PAK4: variants seen among roughly 807,000 people sequenced by gnomAD.
PAK4 encodes p21 (RAC1) activated kinase 4, also known as serine/threonine-protein kinase PAK 4.
Under a neutral mutation model 53.5 loss-of-function variants are expected in PAK4, and 49 were observed. The observed-to-expected ratio is 0.92, with a 90% CI of 0.73 to 1.16. PAK4 has a LOEUF of 1.16. Ranked by LOEUF, PAK4 falls within the 50% of genes most tolerant of loss-of-function variation. The pLI is 0.00. For synonymous variants in PAK4, 376 were observed against 375.6 expected (o/e 1.00, Z -0.01); for missense variants, 824 against 850.7 (o/e 0.97, Z 0.39).
chr19:39,126,424 G>A (rs747912645), intron 1 of PAK4, among the ~76,000 whole-genome samples: 28 of 117,802 alleles, frequency 2.4e-4, no homozygotes, highest in Non-Finnish European at 3.6e-4. Flanking sequence ...TAAAACCCAA[G>A]GAGGGCGTAT....
In PAK4 at chr19:39,175,570, G is replaced by A. The variant is rs1168879672; in HGVS notation, c.1359+132G>A. ...TGTGTCTTGAGGAGCTGGGAACTTC[G>A]TCCCTCCCTGGTGGAGCAGCCCAGA... On this transcript the variant is annotated intron_variant, in intron 6 of 8. Transcript: ENST00000358301. This position sits in a 1 kb window ranked among gnomAD's most constrained non-coding sequence, Gnocchi z 4.7. 2.7e-5 allele frequency: 27 copies of A among 995,034 alleles called. No individual in the cohort carries two copies. The highest frequency in any genetic ancestry group is 3.7e-5 in the Non-Finnish European group (25 of 681,640). The allele number at this position is 995,034 out of a possible 1,614,324, so 61.6% of individuals were successfully genotyped here.
intron 1 of PAK4, among the ~76,000 whole-genome samples, chr19:39,134,121 T>G (rs1213302189): frequency 6.6e-6 from 1 of 152,226 alleles, no homozygotes; most frequent in Non-Finnish European, 1.5e-5. Context: ...AATCTTCCAC[T>G]GCAGCCTGGG....
In PAK4 at chr19:39,147,841, G is replaced by GTTTTTTT. The variant is rs35845376; in HGVS notation, c.-22-21673_-22-21667dup. On this transcript the variant is annotated intron_variant, in intron 1 of 8. Coordinates refer to ENST00000358301, the Ensembl canonical transcript of PAK4. ...TTCTTATTGGATTGTTTGTTTTCGG[G>GTTTTTTT]TTTTTTTTTTTTTTTTTTTTTTTTG... is the stretch of plus-strand genomic sequence containing the variant. 9.8e-4 allele frequency among the ~76,000 whole-genome samples: 13 copies of GTTTTTTT among 13,224 alleles called. 1 individual carries two copies. The highest frequency in any genetic ancestry group is 2.4e-3 in the East Asian group (1 of 420). The allele number at this position is 13,224 out of a possible 152,430, so 8.7% of individuals were successfully genotyped here.
chr19:39,172,095 G>T (rs2074491353), intron 2 of PAK4, among the ~76,000 whole-genome samples: 1 of 152,238 alleles, frequency 6.6e-6, no homozygotes. Context: ...TGGGAGGCCA[G>T]CAGAAGCCTC....
chr19:39,133,371 G>A (rs1371226296), intron 1 of PAK4, among the ~76,000 whole-genome samples: 1 of 152,222 alleles, frequency 6.6e-6, no homozygotes, highest in Non-Finnish European at 1.5e-5. Flanking sequence ...AGCAGGCACT[G>A]TTTGAGTGCT....
chr19:39,131,464 C>T (rs1321300715), intron 1 of PAK4, among the ~76,000 whole-genome samples: 1 of 152,204 alleles, frequency 6.6e-6, no homozygotes, highest in Admixed American at 6.5e-5. Context: ...GAGCCCAGCC[C>T]CGCACATGCT....
intron 1 of PAK4, among the ~76,000 whole-genome samples, chr19:39,148,757 C>CT (rs1043067506): frequency 4.5e-4 from 65 of 145,144 alleles, no homozygotes; most frequent in South Asian, 2.6e-3. Context: ...ACCCTGCCTG[C>CT]TTTTTTTTTT....
intron 1 of PAK4, among the ~76,000 whole-genome samples, chr19:39,165,195 G>GATGATGATGATAATAATAATAATAATA (rs1364745681): frequency 3.9e-5 from 5 of 128,434 alleles, no homozygotes; most frequent in African/African-American, 1.5e-4. Flanking sequence ...TGATGATGAT[G>GATGATGATGATAATAATAATAATAATA]ATAATAATAA....
At chr19:39,140,935 C>T (rs890651221) in intron 1 of PAK4, among the ~76,000 whole-genome samples, 6 of 152,184 alleles carry the variant, frequency 3.9e-5, no homozygotes, top group South Asian at 2.1e-4. Context: ...TTATGCCATT[C>T]TGGTTACTAG....
intron 1 of PAK4, among the ~76,000 whole-genome samples, chr19:39,162,926 C>T (rs113840437): frequency 0.034 from 5,119 of 151,912 alleles, 111 homozygotes; most frequent in Non-Finnish European, 0.049. Flanking sequence ...CTTGGAGGAA[C>T]GAGGCTCAGT....
chr19:39,141,970 C>T (rs908746356), intron 1 of PAK4, among the ~76,000 whole-genome samples: 3 of 152,130 alleles, frequency 2.0e-5, no homozygotes, highest in African/African-American at 7.2e-5. Flanking sequence ...ACTTTGCATC[C>T]GGTTGATAGG....
chr19:39,125,807 C>G (rs547738308), exon 1 of PAK4: 1 of 153,632 alleles, frequency 6.5e-6, no homozygotes, highest in Non-Finnish European at 1.4e-5. Context: ...GGGGATTCAA[C>G]ATGGCGGCGG....
At chr19:39,154,178 C>T (rs2074138615) in intron 1 of PAK4, among the ~76,000 whole-genome samples, 1 of 152,144 alleles carries the variant, frequency 6.6e-6, no homozygotes, top group Non-Finnish European at 1.5e-5. Context: ...CGCGTGTGCT[C>T]CCTGCCCCAT....
rs1248708552 is a variant in PAK4, at chr19:39,178,069, C to T, written c.1620+260C>T. On this transcript the variant is annotated intron_variant, in intron 8 of 8. Coordinates refer to ENST00000358301, the Ensembl canonical transcript of PAK4. This position sits in a 1 kb window ranked among gnomAD's most constrained non-coding sequence, Gnocchi z 4.4. ...CCACCCAGCCCTAGAGAGATTTGCA[C>T]GTTTAGAAGTGGAGGACAGGGCCGG... Among the ~76,000 whole-genome samples the T allele has an allele frequency of 6.6e-6, 1 of 152,092 alleles. No individual in the cohort carries two copies. The highest frequency in any genetic ancestry group is 1.5e-5 in the Non-Finnish European group (1 of 68,012).
chr19:39,156,114 C>T (rs918027068), intron 1 of PAK4, among the ~76,000 whole-genome samples: 2 of 152,222 alleles, frequency 1.3e-5, no homozygotes, highest in African/African-American at 4.8e-5. Flanking sequence ...CTCGCCCCTC[C>T]CCCGGTCAGG....
chr19:39,155,347 C>T (rs2074160969), intron 1 of PAK4, among the ~76,000 whole-genome samples: 1 of 152,172 alleles, frequency 6.6e-6, no homozygotes, highest in Non-Finnish European at 1.5e-5. Flanking sequence ...GGCGGGCAAG[C>T]TGCAGACAGT....
Position 39,176,442 on chromosome 19 carries a change from T to TCTAGACCCCAGCTCTGACC in PAK4, c.1360-128_1360-110dup, listed in dbSNP as rs1029746858. On this transcript the variant is annotated intron_variant, in intron 6 of 8. Transcript: ENST00000358301. ...TGGTGGAGCTCCCCATTGGTCTGGCTCTAGACCCCAGCTCTGACCCTAGAC... is the reference window on the plus strand; with the variant it reads ...TGGTGGAGCTCCCCATTGGTCTGGCTCTAGACCCCAGCTCTGACCCTAGACCCCAGCTCTGACCCTAGAC... The TCTAGACCCCAGCTCTGACC allele has an allele frequency of 6.6e-6, 7 of 1,068,658 alleles. No individual in the cohort carries two copies. The Admixed American group carries it at 9.8e-5, about 15-fold the overall frequency. 66.2% of individuals were successfully genotyped at this position (1,068,658 alleles called of 1,614,324 possible).
At chr19:39,136,942 G>C (rs965844177) in intron 1 of PAK4, among the ~76,000 whole-genome samples, 1 of 152,182 alleles carries the variant, frequency 6.6e-6, no homozygotes, top group African/African-American at 2.4e-5. Context: ...GTCTCCCGGC[G>C]GGGGAGTGCA....
intron 1 of PAK4, among the ~76,000 whole-genome samples, chr19:39,164,801 G>A (rs1198845284): frequency 1.3e-5 from 2 of 152,174 alleles, no homozygotes; most frequent in Non-Finnish European, 2.9e-5. Flanking sequence ...GCTCAGAATG[G>A]CCACTCCACC....
Sources: allele counts gnomAD v4.1 joint callset (sites outside exome capture counted in the v4.1 genomes callset), GRCh38; gene constraint gnomAD v4.1.1; non-coding constraint Gnocchi (gnomAD v3.1); transcripts MANE v1.5; gene names NCBI Gene and HGNC (gene_info 2026-07-23, HGNC 2026-07-21).